PHACTR3: variants seen among roughly 807,000 people sequenced by gnomAD.
The protein encoded by PHACTR3 is phosphatase and actin regulator 3, also known as protein phosphatase 1, regulatory subunit 123.
Under a neutral mutation model 66.8 loss-of-function variants are expected in PHACTR3, and 16 were observed. The ratio of observed to expected loss-of-function variants is 0.24; its 90% CI spans 0.16 to 0.36. The LOEUF is 0.36. Among genes scored for constraint, PHACTR3 ranks in the 10% least tolerant of loss-of-function variants. The pLI is 1.00. For synonymous variants in PHACTR3, 323 were observed against 292.1 expected (o/e 1.11, Z -1.08); for missense variants, 647 against 719.9 (o/e 0.90, Z 1.16).
chr20:59,771,368 G>A (rs577798895), intron 5 of PHACTR3, among the ~76,000 whole-genome samples: 3 of 152,254 alleles, frequency 2.0e-5, no homozygotes, highest in African/African-American at 7.2e-5. Context: ...AGTGGGGAGA[G>A]GACAGCGCAG....
intron 1 of PHACTR3, among the ~76,000 whole-genome samples, chr20:59,667,427 C>T (rs1458772652): frequency 6.6e-6 from 1 of 152,228 alleles, no homozygotes; most frequent in Non-Finnish European, 1.5e-5. Context: ...TTATTGACTT[C>T]TCCCACTTGC....
chr20:59,599,508 G>A (rs931041201), intron 1 of PHACTR3, among the ~76,000 whole-genome samples: 1 of 151,826 alleles, frequency 6.6e-6, no homozygotes, highest in Non-Finnish European at 1.5e-5. Flanking sequence ...GTGATGGGCA[G>A]CAGACTCTTC....
chr20:59,698,729 C>T (rs182248621), intron 1 of PHACTR3, among the ~76,000 whole-genome samples: 12 of 152,224 alleles, frequency 7.9e-5, no homozygotes, highest in East Asian at 1.9e-4. Context: ...TTCTTTTCTC[C>T]GGGAGAATGT....
chr20:59,604,975 A>C lies in PHACTR3; in HGVS notation c.-40A>C, dbSNP rs1160051105. Reference sequence around the variant, plus strand: ...TGGCCGCCTCGGATGCTCTGATTCCACGCGGCTCGCTCTAACTTGCCCCCG... The same window carrying C: ...TGGCCGCCTCGGATGCTCTGATTCCCCGCGGCTCGCTCTAACTTGCCCCCG... On this transcript the variant is annotated 5_prime_UTR_variant, in exon 1 of 13. Coordinates refer to ENST00000371015, the MANE Select transcript of PHACTR3 (RefSeq NM_080672.5). The C allele has an allele frequency of 4.4e-5, 55 of 1,247,554 alleles. No individual in the cohort carries two copies. The African/African-American group carries it at 6.6e-4, about 15-fold the overall frequency. 77.3% of individuals were successfully genotyped at this position (1,247,554 alleles called of 1,614,324 possible).
At chr20:59,640,895 G>T (rs1197874708) in intron 1 of PHACTR3, among the ~76,000 whole-genome samples, 2 of 152,158 alleles carry the variant, frequency 1.3e-5, no homozygotes, top group Non-Finnish European at 2.9e-5. Context: ...GACCAAAAAT[G>T]AAGCAGTAGA....
intron 12 of PHACTR3, 64 bp downstream of exon 12, chr20:59,845,329 C>A: frequency 9.9e-7 from 1 of 1,014,810 alleles, no homozygotes; most frequent in Non-Finnish European, 1.5e-6. Context: ...CTTCCCCCGT[C>A]CCCCGCCACA....
chr20:59,725,518 T>C (rs1234498579), intron 1 of PHACTR3, among the ~76,000 whole-genome samples: 2 of 152,186 alleles, frequency 1.3e-5, no homozygotes, highest in African/African-American at 4.8e-5. Context: ...TGCTCATGGG[T>C]ATCACCCCAG....
intron 1 of PHACTR3, among the ~76,000 whole-genome samples, chr20:59,599,323 C>T (rs935398378): frequency 1.3e-5 from 2 of 152,196 alleles, no homozygotes; most frequent in Non-Finnish European, 1.5e-5. Context: ...CCTGTGAAGC[C>T]GACATTGCCA....
chr20:59,637,211 C>T (rs192644426), intron 1 of PHACTR3, among the ~76,000 whole-genome samples: 7 of 152,328 alleles, frequency 4.6e-5, no homozygotes, highest in African/African-American at 1.7e-4. Flanking sequence ...AAGCAGGACT[C>T]AGGGCTGCTG....
At chr20:59,846,351 G>A (rs570833582) in intron 12 of PHACTR3, among the ~76,000 whole-genome samples, 1 of 152,112 alleles carries the variant, frequency 6.6e-6, no homozygotes, top group East Asian at 1.9e-4. Context: ...AGGGAAAGTT[G>A]GATGAATAGG....
chr20:59,720,131 C>T (rs983294297), intron 1 of PHACTR3, among the ~76,000 whole-genome samples: 46 of 152,280 alleles, frequency 3.0e-4, no homozygotes, highest in African/African-American at 1.1e-3. Context: ...TGACCAGTTA[C>T]CTTGCGGTGT....
intron 8 of PHACTR3, among the ~76,000 whole-genome samples, chr20:59,812,411 C>T (rs564008331): frequency 4.5e-4 from 68 of 152,344 alleles, no homozygotes; most frequent in Non-Finnish European, 8.1e-4. Flanking sequence ...AGGTGTCCTC[C>T]CGGGCTGTGG....
intron 8 of PHACTR3, among the ~76,000 whole-genome samples, chr20:59,835,308 C>T (rs1015277029): frequency 4.6e-5 from 7 of 151,946 alleles, no homozygotes; most frequent in East Asian, 3.9e-4. Flanking sequence ...CACTGAACAT[C>T]GAGATATGAT....
At chr20:59,782,617 G>GGCAAGAGAGAATGAGAACCAC (rs2040761798) in intron 7 of PHACTR3, among the ~76,000 whole-genome samples, 1 of 152,172 alleles carries the variant, frequency 6.6e-6, no homozygotes, top group Admixed American at 6.5e-5. Flanking sequence ...CATGGTGGCA[G>GGCAAGAGAGAATGAGAACCAC]GCAAGAGAGA....
intron 1 of PHACTR3, among the ~76,000 whole-genome samples, chr20:59,642,315 CT>C (rs11364649): frequency 0.45 from 67,129 of 148,664 alleles, 17,623 homozygotes; most frequent in East Asian, 0.89. Context: ...TTCTTTTAGA[CT>C]TTTTTTTTTT....
intron 5 of PHACTR3, among the ~76,000 whole-genome samples, chr20:59,771,750 GC>G: frequency 6.6e-6 from 1 of 152,378 alleles, no homozygotes; most frequent in Non-Finnish European, 1.5e-5. Flanking sequence ...GCCTTGTGTG[GC>G]CAAGCAGGTG....
At chr20:59,842,176 GGTCA>G (rs1219783479) in intron 11 of PHACTR3, among the ~76,000 whole-genome samples, 1 of 152,086 alleles carries the variant, frequency 6.6e-6, no homozygotes, top group African/African-American at 2.4e-5. Context: ...GCACAGAGAG[GGTCA>G]GTTCTTGTCT....
At chr20:59,617,753 T>TAGCTCACGGCAC (rs543896216) in intron 1 of PHACTR3, among the ~76,000 whole-genome samples, 21 of 152,348 alleles carry the variant, frequency 1.4e-4, no homozygotes, top group Admixed American at 1.3e-3. Context: ...AAAAGAGGCA[T>TAGCTCACGGCAC]AGCTCACGGC....
intron 1 of PHACTR3, among the ~76,000 whole-genome samples, chr20:59,633,125 C>G (rs7263707): frequency 6.6e-6 from 1 of 152,134 alleles, no homozygotes; most frequent in Non-Finnish European, 1.5e-5. Flanking sequence ...AGTGACACAG[C>G]GTGTGCTAGA....
Sources: allele counts gnomAD v4.1 joint callset (sites outside exome capture counted in the v4.1 genomes callset), GRCh38; gene constraint gnomAD v4.1.1; transcripts MANE v1.5; gene names NCBI Gene and HGNC (gene_info 2026-07-23, HGNC 2026-07-21).